Variants in CDH13 observed in about 807,000 individuals in gnomAD.
CDH13 encodes the protein cadherin-13.
A neutral mutation model predicts 63.8 loss-of-function variants in CDH13; 24 were observed. The ratio of observed to expected loss-of-function variants is 0.38; its 90% CI spans 0.27 to 0.53. The LOEUF (loss-of-function observed/expected upper bound fraction) is 0.53, where lower values mean the gene tolerates loss of function less well. Among genes scored for constraint, CDH13 ranks in the 20% least tolerant of loss-of-function variants. The probability of loss-of-function intolerance (pLI) is 0.85; values close to 1 mark genes in which losing one functional copy is unlikely to be tolerated. For missense variants in CDH13, 1,049 were observed against 903.1 expected (o/e 1.16, Z -2.07); for synonymous variants, 503 against 355.3 (o/e 1.42, Z -4.67).
chr16:83,483,690 A>G (rs1448196648), intron 6 of CDH13, among the ~76,000 whole-genome samples: 2 of 152,066 alleles, frequency 1.3e-5, no homozygotes, highest in African/African-American at 4.8e-5. Context: ...GCCTCCTCCT[A>G]TGTCTTTGGC....
intron 1 of CDH13, among the ~76,000 whole-genome samples, chr16:82,761,017 C>CTTTTTTTTTTTT (rs35038319): frequency 0.031 from 1,265 of 40,460 alleles, 320 homozygotes; most frequent in Non-Finnish European, 0.045. Context: ...TTCTTTCTTT[C>CTTTTTTTTTTTT]TTTTTTTTTT....
chr16:83,247,139 A>G (rs547655943), intron 5 of CDH13, among the ~76,000 whole-genome samples: 19 of 152,248 alleles, frequency 1.2e-4, no homozygotes, highest in Admixed American at 3.9e-4. Flanking sequence ...TACCTGTGCC[A>G]TCCTGGGGAG....
chr16:83,545,141 C>T (rs1202488982), intron 7 of CDH13, among the ~76,000 whole-genome samples: 1 of 152,128 alleles, frequency 6.6e-6, no homozygotes, highest in Non-Finnish European at 1.5e-5. Context: ...TTTAATTAGT[C>T]CTTCAGCTCC....
intron 3 of CDH13, among the ~76,000 whole-genome samples, chr16:83,114,773 G>A (rs1005252610): frequency 2.0e-5 from 3 of 152,174 alleles, no homozygotes; most frequent in African/African-American, 4.8e-5. Context: ...TTCAGCCCCA[G>A]GAGGCAATGA....
At chr16:83,055,349 C>G (rs1186670927) in intron 3 of CDH13, among the ~76,000 whole-genome samples, 5 of 150,880 alleles carry the variant, frequency 3.3e-5, no homozygotes, top group Non-Finnish European at 7.4e-5. Context: ...AGTTCTGTAA[C>G]TTGATATCAA....
chr16:82,953,982 G>C (rs896050361), intron 2 of CDH13: 8 of 152,114 alleles, frequency 5.3e-5, no homozygotes, highest in African/African-American at 1.9e-4. Context: ...CCTTATTTCA[G>C]GTTGGTCTCC....
chr16:83,771,634 A>G (rs1470116547), intron 11 of CDH13, among the ~76,000 whole-genome samples: 1 of 152,216 alleles, frequency 6.6e-6, no homozygotes, highest in East Asian at 1.9e-4. Context: ...CCCCCTCAAG[A>G]CTTGCCATTG....
chr16:83,463,378 T>A (rs528590959), intron 6 of CDH13, among the ~76,000 whole-genome samples: 190 of 152,336 alleles, frequency 1.2e-3, no homozygotes, highest in Non-Finnish European at 2.1e-3. Context: ...GGCTGGGGGC[T>A]CGGCTCCATG....
At chr16:82,846,227 C>T (rs1235618207) in intron 1 of CDH13, among the ~76,000 whole-genome samples, 3 of 152,124 alleles carry the variant, frequency 2.0e-5, no homozygotes, top group African/African-American at 7.2e-5. Flanking sequence ...TCTAATATGT[C>T]CTTGTCTGTG....
chr16:83,027,880 G>A (rs1489711844), intron 2 of CDH13, among the ~76,000 whole-genome samples: 1 of 152,198 alleles, frequency 6.6e-6, no homozygotes, highest in Non-Finnish European at 1.5e-5. Flanking sequence ...ATTTATAAGA[G>A]TAGTAAATTG....
chr16:83,486,744 T>C, intron 7 of CDH13, 89 bp downstream of exon 7: 2 of 1,213,472 alleles, frequency 1.6e-6, no homozygotes, highest in Non-Finnish European at 2.4e-6. Context: ...TCAGTGGTTT[T>C]TTTTAATACT....
chr16:83,768,650 G>GT (rs1914559869), intron 11 of CDH13, among the ~76,000 whole-genome samples: 1 of 152,170 alleles, frequency 6.6e-6, no homozygotes, highest in Non-Finnish European at 1.5e-5. Context: ...CATGTTTATA[G>GT]TTTTTTCTTG....
chr16:82,708,646 C>A (rs901380995), intron 1 of CDH13, among the ~76,000 whole-genome samples: 1 of 152,158 alleles, frequency 6.6e-6, no homozygotes, highest in Non-Finnish European at 1.5e-5. Context: ...AAGGGAAGAT[C>A]TGATTCGCCC....
At chr16:83,582,370 T>A (rs1905697907) in intron 7 of CDH13, among the ~76,000 whole-genome samples, 1 of 152,208 alleles carries the variant, frequency 6.6e-6, no homozygotes, top group Admixed American at 6.5e-5. Context: ...GCTAGCAGCA[T>A]CCCTTTGGAG....
rs530268830 is a variant in CDH13 at position 83,034,251 on chromosome 16, T to C, written c.366+2033T>C. On this transcript the variant is annotated intron_variant, in intron 3 of 13. Coordinates refer to ENST00000567109, the MANE Select transcript of CDH13 (RefSeq NM_001257.5). ...ACTGCAATGCTTCTGGAACCTACTA[T>C]CAATTGATCATTTAGTGGTGTTTCT... is the stretch of plus-strand genomic sequence containing the variant. 2.0e-5 allele frequency among the ~76,000 whole-genome samples: 3 copies of C among 152,280 alleles called. No homozygotes were observed. The South Asian group carries it at 6.2e-4, about 32-fold the overall frequency.
intron 3 of CDH13, among the ~76,000 whole-genome samples, chr16:83,078,813 G>C (rs2033033039): frequency 1.3e-5 from 2 of 152,066 alleles, no homozygotes; most frequent in Non-Finnish European, 2.9e-5. Flanking sequence ...TTTTTTTTGA[G>C]ACAGAGTCTT....
chr16:82,834,161 A>G (rs568747495), intron 1 of CDH13, among the ~76,000 whole-genome samples: 1 of 152,348 alleles, frequency 6.6e-6, no homozygotes, highest in African/African-American at 2.4e-5. Flanking sequence ...AAGGCAAACT[A>G]CCGGACCCTG....
chr16:83,722,497 A>G lies in CDH13; in HGVS notation c.1539-25611A>G, dbSNP rs555899909. 3.2e-4 allele frequency among the ~76,000 whole-genome samples: 49 copies of G among 152,306 alleles called. 1 individual carries two copies. Among genetic ancestry groups the G allele is most frequent in the Admixed American group, 2.2e-3 (34 of 15,308 alleles). On this transcript the variant is annotated intron_variant, in intron 10 of 13. Transcript: ENST00000567109. ...AACTGGCCACATTGGAAATACTTCT[A>G]TCATGGAATTAGACAAACACTATTA...
At chr16:82,705,820 T>G (rs1305015413) in intron 1 of CDH13, among the ~76,000 whole-genome samples, 1 of 152,200 alleles carries the variant, frequency 6.6e-6, no homozygotes, top group Non-Finnish European at 1.5e-5. Flanking sequence ...GATCCTGCAA[T>G]GTATCACGCA....
Sources: allele counts gnomAD v4.1 joint callset (sites outside exome capture counted in the v4.1 genomes callset), GRCh38; gene constraint gnomAD v4.1.1; transcripts MANE v1.5; gene names NCBI Gene and HGNC (gene_info 2026-07-23, HGNC 2026-07-21).